The following ADAMTS16 variants were observed in gnomAD, a reference collection of about 807,000 sequenced individuals.
ADAMTS16 encodes ADAM metallopeptidase with thrombospondin type 1 motif 16, also known as A disintegrin and metalloproteinase with thrombospondin motifs 16.
A neutral mutation model predicts 145.8 loss-of-function variants in ADAMTS16; 94 were observed. The observed-to-expected ratio is 0.64, with a 90% CI of 0.55 to 0.77. The LOEUF (loss-of-function observed/expected upper bound fraction) is 0.77, where lower values mean the gene tolerates loss of function less well. Ranked by LOEUF, ADAMTS16 falls within the 30% of genes least tolerant of loss-of-function variation. The pLI is 0.00. For missense variants in ADAMTS16, 1,585 were observed against 1,591.5 expected (o/e 1.00, Z 0.07); for synonymous variants, 659 against 604.3 (o/e 1.09, Z -1.33).
At chr5:5,196,292 T>C (rs2126585068) in intron 8 of ADAMTS16, among the ~76,000 whole-genome samples, 1 of 150,764 alleles carries the variant, frequency 6.6e-6, no homozygotes, top group East Asian at 1.9e-4. Context: ...CACTAGTAGT[T>C]AGCTTGAAAA....
chr5:5,187,685 G>T (rs1431146550), intron 5 of ADAMTS16, 40 bp from the exon 6 acceptor site: 1 of 1,420,324 alleles, frequency 7.0e-7, no homozygotes, highest in East Asian at 2.3e-5. Context: ...GGGGGAAAAT[G>T]CCATTTATGG....
chr5:5,249,814 A>C (rs1002830740), intron 17 of ADAMTS16, among the ~76,000 whole-genome samples: 1 of 152,138 alleles, frequency 6.6e-6, no homozygotes, highest in Admixed American at 6.5e-5. Context: ...AGGAATAATC[A>C]TGTCACAGGA....
chr5:5,185,185 G>A (rs77340816), intron 4 of ADAMTS16, among the ~76,000 whole-genome samples: 2,075 of 152,260 alleles, frequency 0.014, 50 homozygotes, highest in African/African-American at 0.048. Context: ...AATTTTGGAA[G>A]TATGTTAGCA....
At chr5:5,265,441 C>T (rs565223365) in intron 18 of ADAMTS16, among the ~76,000 whole-genome samples, 1 of 152,180 alleles carries the variant, frequency 6.6e-6, no homozygotes, top group Non-Finnish European at 1.5e-5. Flanking sequence ...TGCCAACTGG[C>T]GGTCATAGAA....
chr5:5,185,647 C>A (rs1004336425), intron 4 of ADAMTS16, among the ~76,000 whole-genome samples: 2 of 152,166 alleles, frequency 1.3e-5, no homozygotes, highest in African/African-American at 4.8e-5. Context: ...AGCAGGAAAA[C>A]AATGCAAGCC....
intron 18 of ADAMTS16, among the ~76,000 whole-genome samples, chr5:5,290,857 C>T (rs369634647): frequency 1.3e-5 from 2 of 152,126 alleles, no homozygotes; most frequent in East Asian, 1.9e-4. Context: ...CTGTTCTTCC[C>T]GCTGTGACCA....
chr5:5,196,093 G>A (rs139387839), intron 8 of ADAMTS16, among the ~76,000 whole-genome samples: 1 of 151,986 alleles, frequency 6.6e-6, no homozygotes, highest in African/African-American at 2.4e-5. Context: ...GAGTGTGGTG[G>A]CAGGTTCCTG....
At chr5:5,305,159 ACACAT>A (rs1740029662) in intron 20 of ADAMTS16, among the ~76,000 whole-genome samples, 2 of 67,924 alleles carry the variant, frequency 2.9e-5, no homozygotes, top group Admixed American at 1.4e-4. Flanking sequence ...CCACACACAC[ACACAT>A]ATCCCACACC....
chr5:5,285,493 C>T lies in ADAMTS16; in HGVS notation c.2790-17775C>T, dbSNP rs114884538. On this transcript the variant is annotated intron_variant, in intron 18 of 22. Transcript: ENST00000274181. ...GGCTCCACGACGTGCTCCTGCAAGC[C>T]TTGGGCACATTTGTTAGTATTTCTG... is the stretch of plus-strand genomic sequence containing the variant. 5.8e-3 allele frequency among the ~76,000 whole-genome samples: 884 copies of T among 152,298 alleles called. 7 individuals carry two copies. The highest frequency in any genetic ancestry group is 0.02 in the African/African-American group (822 of 41,548).
intron 18 of ADAMTS16, among the ~76,000 whole-genome samples, chr5:5,279,107 C>A (rs547963811): frequency 6.6e-6 from 1 of 152,270 alleles, no homozygotes; most frequent in African/African-American, 2.4e-5. Context: ...CCCTGCACTC[C>A]TCATTCCCAG....
chr5:5,316,093 G>A (rs1447862627), intron 21 of ADAMTS16, among the ~76,000 whole-genome samples: 3 of 152,126 alleles, frequency 2.0e-5, no homozygotes, highest in South Asian at 2.1e-4. Context: ...AAGTCACTTC[G>A]TAAAGCTCTG....
intron 11 of ADAMTS16, among the ~76,000 whole-genome samples, chr5:5,229,065 G>A (rs956536358): frequency 1.4e-4 from 21 of 152,180 alleles, no homozygotes; most frequent in Admixed American, 6.5e-4. Context: ...TTGGGAGGCC[G>A]AGGCGGGTGG....
rs761906893 is a variant in ADAMTS16 at position 5,187,736 on chromosome 5, A to T, written c.975A>T (p.Leu325Phe). 6.2e-7 allele frequency: 1 copy of T among 1,611,718 alleles called. No homozygotes were observed. Among genetic ancestry groups the T allele is most frequent in the South Asian group, 1.1e-5 (1 of 90,880 alleles). The stretch of plus-strand genomic sequence containing the variant: ...CCTGTCTTTTTCAGGTATCTGCTTT[A>T]TTCAAAGATGGAACAATAGGAGGAA... ...VLTILNMVSA[L>F]FKDGTIGGNI... The change falls in exon 6 of 23, where the codon TTA becomes TTT. Residue 325 changes from leucine to phenylalanine, a missense_variant. Leu to Phe is a conservative substitution (Grantham distance 22, BLOSUM62 0). This residue lies in a region of ADAMTS16 where 298 missense variants were observed against 367.6 expected (regional missense o/e 0.81). Transcript: ENST00000274181.
At chr5:5,190,660 C>T (rs1031144542) in intron 7 of ADAMTS16, among the ~76,000 whole-genome samples, 8 of 152,120 alleles carry the variant, frequency 5.3e-5, no homozygotes, top group Admixed American at 3.3e-4. Flanking sequence ...TTCCGCTGAA[C>T]ATGTCTTCTA....
intron 18 of ADAMTS16, among the ~76,000 whole-genome samples, chr5:5,293,762 C>T (rs1162573394): frequency 2.6e-5 from 4 of 152,220 alleles, no homozygotes. Flanking sequence ...GGTAAAAAAG[C>T]AACCAGTAGA....
chr5:5,207,431 G>T (rs2162743), intron 9 of ADAMTS16, among the ~76,000 whole-genome samples: 135,349 of 152,228 alleles, frequency 0.89, 60,241 homozygotes, highest in African/African-American at 0.94. Flanking sequence ...TCCAGGAGTT[G>T]CTTGGTGGAT....
At chr5:5,210,541 C>G (rs745338965) in intron 10 of ADAMTS16, among the ~76,000 whole-genome samples, 1 of 152,206 alleles carries the variant, frequency 6.6e-6, no homozygotes, top group South Asian at 2.1e-4. Context: ...TGTGCCCCCT[C>G]CTTCAACCCC....
intron 3 of ADAMTS16, among the ~76,000 whole-genome samples, chr5:5,167,399 TTCAG>T (rs1326698190): frequency 6.6e-6 from 1 of 152,206 alleles, no homozygotes; most frequent in Non-Finnish European, 1.5e-5. Flanking sequence ...CAGGAATATA[TTCAG>T]TCCTTTGACT....
chr5:5,237,587 T>A (rs1002453191), intron 14 of ADAMTS16, among the ~76,000 whole-genome samples: 6 of 152,164 alleles, frequency 3.9e-5, no homozygotes, highest in African/African-American at 1.4e-4. Flanking sequence ...TTGGGATTTT[T>A]ATCCTGTGTC....
Sources: gnomAD v4.1 joint callset for allele counts (sites outside exome capture counted in the v4.1 genomes callset) on GRCh38, gnomAD v4.1.1 for gene constraint, gnomAD v4.1.1 regional missense constraint, MANE v1.5 for transcripts, NCBI Gene and HGNC (gene_info 2026-07-23, HGNC 2026-07-21) for gene names.